The following CHRM2 variants were observed in gnomAD, a reference collection of about 807,000 sequenced individuals.
The protein encoded by CHRM2 is cholinergic receptor muscarinic 2, also known as muscarinic acetylcholine receptor M2.
CHRM2 carries 8 observed loss-of-function variants against 25.0 expected under a neutral mutation model. That is an observed-to-expected ratio of 0.32 (90% CI 0.19 to 0.58). The LOEUF (loss-of-function observed/expected upper bound fraction) is 0.58. Ranked by LOEUF, CHRM2 falls within the 20% of genes least tolerant of loss-of-function variation. CHRM2 has a pLI of 0.88. For synonymous variants in CHRM2, 202 were observed against 205.7 expected, an observed-to-expected ratio of 0.98 and a Z score of 0.15; for missense variants, 440 against 567.1, an observed-to-expected ratio of 0.78 and a Z score of 2.28.
Position 136,993,760 on chromosome 7 carries a change from A to T in CHRM2, c.-47+1496A>T, listed in dbSNP as rs557852559. On this transcript the variant is annotated intron_variant, in intron 3 of 3. Transcript: ENST00000680005. ...CCATTCCAAAGTTCTATGATCAAAG[A>T]AATCCAACCCCAAAGTGAAAAAGTA... 2.6e-5 allele frequency among the ~76,000 whole-genome samples: 4 copies of T among 152,314 alleles called. No homozygotes were observed. The South Asian group carries it at 8.3e-4, about 32-fold the overall frequency.
At chr7:136,902,234 T>C (rs560633988) in intron 2 of CHRM2, 2 of 151,858 alleles carry the variant, frequency 1.3e-5, no homozygotes, top group Non-Finnish European at 2.9e-5. Context: ...CATCCATCCA[T>C]CCATCCATCC....
At chr7:137,008,770 T>C (rs892962569) in intron 3 of CHRM2, among the ~76,000 whole-genome samples, 3 of 152,228 alleles carry the variant, frequency 2.0e-5, no homozygotes, top group Admixed American at 6.6e-5. Flanking sequence ...TTTCTTCTTG[T>C]TCTCAAATTT....
chr7:136,996,685 T>C (rs1161861506), intron 3 of CHRM2, among the ~76,000 whole-genome samples: 1 of 152,184 alleles, frequency 6.6e-6, no homozygotes, highest in Admixed American at 6.6e-5. Context: ...CAATAGAGAA[T>C]TATTTAATGA....
At chr7:136,884,937 C>A (rs1011941047) in intron 2 of CHRM2, among the ~76,000 whole-genome samples, 2 of 152,122 alleles carry the variant, frequency 1.3e-5, no homozygotes, top group African/African-American at 4.8e-5. Flanking sequence ...CACAGAAAAT[C>A]AGTTTTTCTG....
chr7:136,911,457 A>G (rs188555997), intron 2 of CHRM2, among the ~76,000 whole-genome samples: 1 of 152,040 alleles, frequency 6.6e-6, no homozygotes, highest in Admixed American at 6.6e-5. Flanking sequence ...TAACCTGCCC[A>G]GTGTCATACA....
chr7:136,982,382 G>A (rs1041997840), intron 2 of CHRM2, among the ~76,000 whole-genome samples: 1 of 152,060 alleles, frequency 6.6e-6, no homozygotes, highest in Non-Finnish European at 1.5e-5. Flanking sequence ...ATCAACGGAT[G>A]TTGACTCTTT....
At chr7:136,974,789 G>A (rs1365387610) in intron 2 of CHRM2, among the ~76,000 whole-genome samples, 10 of 152,158 alleles carry the variant, frequency 6.6e-5, no homozygotes, top group East Asian at 1.9e-4. Flanking sequence ...ATTTAAATCC[G>A]TAAGTTACAA....
chr7:136,878,316 GT>G (rs914474533), intron 2 of CHRM2, among the ~76,000 whole-genome samples: 27 of 152,040 alleles, frequency 1.8e-4, no homozygotes, highest in African/African-American at 6.5e-4. Context: ...GGAGTAGGCA[GT>G]TATGTCTTCG....
At chr7:136,902,936 C>T in intron 2 of CHRM2, 1 of 344,890 alleles carries the variant, frequency 2.9e-6, no homozygotes, top group Non-Finnish European at 5.6e-6. Context: ...TGCTTGTTTC[C>T]TTGTTCAGTT....
intron 2 of CHRM2, among the ~76,000 whole-genome samples, chr7:136,880,654 C>T (rs1358745278): frequency 1.3e-5 from 2 of 151,414 alleles, no homozygotes; most frequent in African/African-American, 2.4e-5. Context: ...TTTATTAGGC[C>T]AGTTTTAATT....
intron 2 of CHRM2, among the ~76,000 whole-genome samples, chr7:136,957,229 T>C (rs990719849): frequency 4.6e-5 from 7 of 151,716 alleles, no homozygotes; most frequent in African/African-American, 1.7e-4. Flanking sequence ...CCCACTCCTA[T>C]CAACATAACA....
intron 2 of CHRM2, among the ~76,000 whole-genome samples, chr7:136,914,879 A>T (rs1234519393): frequency 2.6e-5 from 4 of 151,944 alleles, no homozygotes; most frequent in Admixed American, 6.6e-5. Context: ...TGAATGGCAA[A>T]TTAACTCTTA....
chr7:136,933,627 C>T (rs1799239728), intron 2 of CHRM2, among the ~76,000 whole-genome samples: 1 of 152,096 alleles, frequency 6.6e-6, no homozygotes, highest in Non-Finnish European at 1.5e-5. Context: ...TGAATGTTCA[C>T]AGCAGTACTC....
At chr7:136,998,370 T>C (rs1803748857) in intron 3 of CHRM2, among the ~76,000 whole-genome samples, 1 of 152,168 alleles carries the variant, frequency 6.6e-6, no homozygotes, top group South Asian at 2.1e-4. Context: ...CGAAGTAGCA[T>C]AAATTCAAGA....
At chr7:136,894,902 G>A (rs1165900907) in intron 2 of CHRM2, among the ~76,000 whole-genome samples, 1 of 152,108 alleles carries the variant, frequency 6.6e-6, no homozygotes, top group African/African-American at 2.4e-5. Flanking sequence ...ACAAACCGAG[G>A]CTATCATTGA....
rs991011148 is a variant in CHRM2 at position 137,004,569 on chromosome 7, T to G, written c.-46-10251T>G. On this transcript the variant is annotated intron_variant, in intron 3 of 3. Coordinates refer to ENST00000680005, the MANE Select transcript of CHRM2 (RefSeq NM_001006630.2). ...CGGAAGAGAGGGTGGGCACAGCATG[T>G]GATGACTTATCTTACATATATTCAA... 2.0e-5 allele frequency among the ~76,000 whole-genome samples: 3 copies of G among 152,276 alleles called. No individual in the cohort carries two copies. In the South Asian group the frequency reaches 6.2e-4, roughly 32 times the overall value.
intron 2 of CHRM2, among the ~76,000 whole-genome samples, chr7:136,951,740 C>T (rs17168826): frequency 0.011 from 1,662 of 152,230 alleles, 27 homozygotes; most frequent in African/African-American, 0.038. Flanking sequence ...CCTCCACATT[C>T]GTCACTGTAA....
At chr7:136,936,238 G>A (rs553726250) in intron 2 of CHRM2, among the ~76,000 whole-genome samples, 1 of 152,194 alleles carries the variant, frequency 6.6e-6, no homozygotes, top group Non-Finnish European at 1.5e-5. Context: ...CAAGCAAGTG[G>A]TTCACCGCTA....
chr7:136,981,751 T>C (rs1294847686), intron 2 of CHRM2, among the ~76,000 whole-genome samples: 1 of 152,108 alleles, frequency 6.6e-6, no homozygotes, highest in East Asian at 1.9e-4. Flanking sequence ...CATGTAGTCG[T>C]GTGGTTTTGA....
Sources: allele counts gnomAD v4.1 joint callset (sites outside exome capture counted in the v4.1 genomes callset), GRCh38; gene constraint gnomAD v4.1.1; transcripts MANE v1.5; gene names NCBI Gene and HGNC (gene_info 2026-07-23, HGNC 2026-07-21).